Variants in DNAAF11 observed in about 807,000 individuals in gnomAD.
DNAAF11 encodes the protein leucine rich repeat containing 6.
Under a neutral mutation model 60.8 loss-of-function variants are expected in DNAAF11, and 45 were observed. The ratio of observed to expected loss-of-function variants is 0.74; its 90% CI spans 0.58 to 0.95. The LOEUF (loss-of-function observed/expected upper bound fraction) is 0.95. Ranked by LOEUF, DNAAF11 falls within the 40% of genes least tolerant of loss-of-function variation. The pLI is 0.00. For missense variants in DNAAF11, 546 were observed against 546.2 expected (o/e 1.00, Z 0.00); for synonymous variants, 191 against 183.5 (o/e 1.04, Z -0.33).
chr8:132,670,480 C>A (rs1003458713), intron 1 of DNAAF11, among the ~76,000 whole-genome samples: 5 of 152,216 alleles, frequency 3.3e-5, no homozygotes, highest in Admixed American at 3.3e-4. Flanking sequence ...AGTTAAAAAC[C>A]TTTCTTTCCA....
At chr8:132,602,423 C>G (rs949416352) in intron 10 of DNAAF11, among the ~76,000 whole-genome samples, 1 of 152,050 alleles carries the variant, frequency 6.6e-6, no homozygotes, top group Non-Finnish European at 1.5e-5. Context: ...AGTTTTCCCA[C>G]CAGGGAAGCT....
At chr8:132,651,960 A>G (rs1176886689) in intron 3 of DNAAF11, among the ~76,000 whole-genome samples, 1 of 152,248 alleles carries the variant, frequency 6.6e-6, no homozygotes, top group East Asian at 1.9e-4. Flanking sequence ...GACTTTGGTA[A>G]TGGTAATTTT....
At chr8:132,587,097 G>A (rs71526261) in intron 10 of DNAAF11, among the ~76,000 whole-genome samples, 79 of 152,114 alleles carry the variant, frequency 5.2e-4, no homozygotes, top group Non-Finnish European at 1.0e-3. Context: ...GGGAGCATAT[G>A]CATAATTAGA....
rs199985958 is a variant in DNAAF11, at chr8:132,610,174, T to C, written c.1132A>G (p.Met378Val). Residue 378 changes from methionine (M) to valine (V), a missense_variant, in exon 10 of 12, where the codon ATG (methionine) becomes GTG (valine). Met to Val is a conservative substitution (Grantham distance 21). Coordinates refer to ENST00000620350, the MANE Select transcript of DNAAF11 (RefSeq NM_012472.6). ...SQTTGHLVIC[M>V]PKVGEVITGG... ...CAAATGACATGACCTACCTTGGGCA[T>C]GCAGATGACCAAATGACCCGTTGTC... 3.1e-6 allele frequency: 5 copies of C among 1,613,578 alleles called. No homozygotes were observed. The highest frequency in any genetic ancestry group is 4.2e-6 in the Non-Finnish European group (5 of 1,179,524).
intron 3 of DNAAF11, among the ~76,000 whole-genome samples, chr8:132,654,989 T>C (rs1034681992): frequency 2.6e-5 from 4 of 151,582 alleles, no homozygotes; most frequent in Non-Finnish European, 4.4e-5. Flanking sequence ...TTTGAAAAGA[T>C]TGACCAAATT....
chr8:132,572,859 T>C (rs557870147), intron 11 of DNAAF11, among the ~76,000 whole-genome samples: 9 of 152,286 alleles, frequency 5.9e-5, no homozygotes, highest in African/African-American at 2.2e-4. Context: ...CTCTTATTCC[T>C]GAATGCAGCT....
intron 10 of DNAAF11, among the ~76,000 whole-genome samples, chr8:132,590,163 C>T (rs1300336189): frequency 6.6e-6 from 1 of 152,182 alleles, no homozygotes; most frequent in Admixed American, 6.5e-5. Context: ...TGCTGGCCTT[C>T]CATGTTAACT....
the DNAAF11 span, among the ~76,000 whole-genome samples, chr8:132,698,571 A>G: frequency 6.6e-6 from 1 of 152,132 alleles, no homozygotes; most frequent in East Asian, 1.9e-4. Context: ...CACAGTCAAT[A>G]TTTCCACCAC....
At chr8:132,608,550 C>T (rs1180842854) in intron 10 of DNAAF11, 1 of 431,150 alleles carries the variant, frequency 2.3e-6, no homozygotes, top group South Asian at 1.7e-5. Flanking sequence ...AATTGGTTGG[C>T]ACCCTGCAAA....
At chr8:132,641,898 T>C (rs1821893110) in intron 3 of DNAAF11, among the ~76,000 whole-genome samples, 1 of 152,078 alleles carries the variant, frequency 6.6e-6, no homozygotes, top group South Asian at 2.1e-4. Context: ...GATCACAGCA[T>C]GGAGGAGGAG....
intron 3 of DNAAF11, among the ~76,000 whole-genome samples, chr8:132,644,740 A>C (rs1319971508): frequency 1.3e-5 from 2 of 152,190 alleles, no homozygotes; most frequent in East Asian, 3.9e-4. Context: ...CACTGCTAGC[A>C]CAGCAGTCTG....
At chr8:132,648,726 A>G (rs896616226) in intron 3 of DNAAF11, among the ~76,000 whole-genome samples, 1 of 152,206 alleles carries the variant, frequency 6.6e-6, no homozygotes, top group Non-Finnish European at 1.5e-5. Flanking sequence ...ACAGACAAAC[A>G]GAGAGCCAAA....
chr8:132,698,354 CT>C, the DNAAF11 span, among the ~76,000 whole-genome samples: 1 of 138,816 alleles, frequency 7.2e-6, no homozygotes, highest in Admixed American at 6.8e-5. Flanking sequence ...GAACATAGAT[CT>C]TCTGACCCCT....
intron 3 of DNAAF11, among the ~76,000 whole-genome samples, chr8:132,646,433 A>G (rs530584640): frequency 1.3e-3 from 199 of 152,286 alleles, no homozygotes; most frequent in South Asian, 5.8e-3. Context: ...GTCAACTAAC[A>G]AGCAAAATAA....
chr8:132,684,487 T>C, the DNAAF11 span, among the ~76,000 whole-genome samples: 1 of 152,182 alleles, frequency 6.6e-6, no homozygotes, highest in Non-Finnish European at 1.5e-5. Context: ...TCTTGGTTGA[T>C]TGATATCATG....
intron 11 of DNAAF11, among the ~76,000 whole-genome samples, chr8:132,577,707 G>A (rs952681819): frequency 6.6e-6 from 1 of 152,190 alleles, no homozygotes; most frequent in Non-Finnish European, 1.5e-5. Context: ...TGCCCAGGCT[G>A]GAGTGCGGTG....
chr8:132,668,100 G>C (rs1431318521), intron 1 of DNAAF11, among the ~76,000 whole-genome samples: 1 of 152,152 alleles, frequency 6.6e-6, no homozygotes, highest in Non-Finnish European at 1.5e-5. Context: ...ATATGAAATT[G>C]AGAGTTAATA....
At chr8:132,615,193 C>T in intron 7 of DNAAF11, 96 bp from the exon 8 acceptor site, 1 of 626,928 alleles carries the variant, frequency 1.6e-6, no homozygotes, top group Non-Finnish European at 2.8e-6. Flanking sequence ...GATAATAATT[C>T]TATAATAATA....
chr8:132,668,702 A>G (rs113922423), intron 1 of DNAAF11, among the ~76,000 whole-genome samples: 3 of 151,950 alleles, frequency 2.0e-5, no homozygotes, highest in African/African-American at 2.4e-5. Flanking sequence ...TCAGCCTCCC[A>G]AAGGGCTGGA....
Sources: allele counts gnomAD v4.1 joint callset (sites outside exome capture counted in the v4.1 genomes callset), GRCh38; gene constraint gnomAD v4.1.1; transcripts MANE v1.5; gene names NCBI Gene and HGNC (gene_info 2026-07-23, HGNC 2026-07-21).